The following DNM3 variants were observed in gnomAD, a reference collection of about 807,000 sequenced individuals.
The protein encoded by DNM3 is dynamin-3.
Under a neutral mutation model 101.6 loss-of-function variants are expected in DNM3, and 47 were observed. That is an observed-to-expected ratio of 0.46 (90% confidence interval 0.37 to 0.59). DNM3 has a LOEUF of 0.59. DNM3 is among the 20% of genes least tolerant of loss of function. The pLI, the probability that DNM3 is intolerant of heterozygous loss-of-function variation, is 0.00. For missense variants in DNM3, 849 were observed against 1,085.7 expected (o/e 0.78, Z 3.06); for synonymous variants, 385 against 387.9 (o/e 0.99, Z 0.09).
intron 10 of DNM3, among the ~76,000 whole-genome samples, chr1:172,056,430 C>T (rs1056611703): frequency 3.3e-5 from 5 of 152,216 alleles, no homozygotes; most frequent in Non-Finnish European, 5.9e-5. Context: ...CCTCTGCAGA[C>T]TTAAATGTCC....
chr1:171,983,142 C>G (rs1354126463), intron 2 of DNM3, among the ~76,000 whole-genome samples: 1 of 152,084 alleles, frequency 6.6e-6, no homozygotes, highest in East Asian at 1.9e-4. Flanking sequence ...CTCTCCTCTT[C>G]TTTACAACAA....
intron 4 of DNM3, among the ~76,000 whole-genome samples, chr1:171,997,668 A>G (rs1411121885): frequency 6.6e-6 from 1 of 152,164 alleles, no homozygotes; most frequent in Non-Finnish European, 1.5e-5. Flanking sequence ...TTGTTGCTTA[A>G]AAGACATTTA....
At chr1:171,996,566 A>G (rs754953913) in intron 4 of DNM3, among the ~76,000 whole-genome samples, 2 of 152,106 alleles carry the variant, frequency 1.3e-5, no homozygotes, top group Non-Finnish European at 2.9e-5. Flanking sequence ...AATGATGTAG[A>G]TAAAAATAAA....
At chr1:172,335,209 G>A (rs902208361) in intron 17 of DNM3, among the ~76,000 whole-genome samples, 2 of 151,998 alleles carry the variant, frequency 1.3e-5, no homozygotes, top group Admixed American at 1.3e-4. Context: ...TAAGACAGTC[G>A]AAGCTAAACC....
intron 17 of DNM3, among the ~76,000 whole-genome samples, chr1:172,327,559 T>C (rs1310498838): frequency 6.6e-6 from 1 of 152,146 alleles, no homozygotes; most frequent in Non-Finnish European, 1.5e-5. Flanking sequence ...GAGTACAGTG[T>C]CATAATGTAC....
chr1:172,302,221 C>A (rs1180024421), intron 15 of DNM3, among the ~76,000 whole-genome samples: 1 of 152,216 alleles, frequency 6.6e-6, no homozygotes, highest in Non-Finnish European at 1.5e-5. Context: ...AGATTATATC[C>A]CACGCCTGGC....
chr1:172,375,645 T>A (rs2068555857), intron 17 of DNM3, among the ~76,000 whole-genome samples: 1 of 152,072 alleles, frequency 6.6e-6, no homozygotes, highest in Admixed American at 6.6e-5. Flanking sequence ...AGCCCAGTGC[T>A]TCTATAATAG....
intron 15 of DNM3, among the ~76,000 whole-genome samples, chr1:172,256,154 T>C (rs1348152456): frequency 6.6e-6 from 1 of 152,132 alleles, no homozygotes; most frequent in Non-Finnish European, 1.5e-5. Flanking sequence ...TGAGTTAGAT[T>C]GGCCCATAAA....
intron 14 of DNM3, among the ~76,000 whole-genome samples, chr1:172,206,341 A>G (rs139332332): frequency 1.2e-3 from 190 of 152,272 alleles, no homozygotes; most frequent in African/African-American, 3.9e-3. Context: ...AAAAAGCACA[A>G]CTCAAACAAT....
At chr1:172,231,938 C>A (rs991667494) in intron 14 of DNM3, among the ~76,000 whole-genome samples, 2 of 152,136 alleles carry the variant, frequency 1.3e-5, no homozygotes, top group African/African-American at 4.8e-5. Flanking sequence ...AAATATGGGA[C>A]TATGTGAAAA....
intron 14 of DNM3, among the ~76,000 whole-genome samples, chr1:172,223,149 T>C (rs2060971968): frequency 6.6e-6 from 1 of 152,034 alleles, no homozygotes; most frequent in Non-Finnish European, 1.5e-5. Flanking sequence ...GTCACCATAC[T>C]GTGCAATAGA....
At chr1:172,168,173 T>A (rs1366001663) in intron 14 of DNM3, among the ~76,000 whole-genome samples, 1 of 152,066 alleles carries the variant, frequency 6.6e-6, no homozygotes, top group Non-Finnish European at 1.5e-5. Flanking sequence ...GTGCAATAGC[T>A]TTCAGTGCTA....
In DNM3 at chr1:172,244,424, A is replaced by C. The variant is rs538831000; in HGVS notation, c.1660-9149A>C. On this transcript the variant is annotated intron_variant, in intron 14 of 20. Transcript: ENST00000627582. Reference sequence around the variant, plus strand: ...GCATCAGAGTGAACAGGCAACCTACAAAATGGGAGAAAATTTTCGCAACCT... The same window carrying C: ...GCATCAGAGTGAACAGGCAACCTACCAAATGGGAGAAAATTTTCGCAACCT... Among the ~76,000 whole-genome samples, 1,296 of 152,112 alleles carry C rather than the reference A, an allele frequency of 8.5e-3. 17 individuals carry two copies. Among genetic ancestry groups the C allele is most frequent in the African/African-American group, 0.029 (1,203 of 41,528 alleles).
At chr1:172,308,366 A>G (rs1211270356) in intron 15 of DNM3, among the ~76,000 whole-genome samples, 1 of 152,196 alleles carries the variant, frequency 6.6e-6, no homozygotes, top group African/African-American at 2.4e-5. Context: ...ATTTAGACTC[A>G]TAAAATATCT....
At chr1:171,877,190 C>T (rs2035862302) in intron 1 of DNM3, among the ~76,000 whole-genome samples, 1 of 152,176 alleles carries the variant, frequency 6.6e-6, no homozygotes. Context: ...TCCTCCCCTC[C>T]CTCATAACAT....
chr1:172,328,895 GT>G (rs2066060113), intron 17 of DNM3, among the ~76,000 whole-genome samples: 1 of 151,890 alleles, frequency 6.6e-6, no homozygotes, highest in Non-Finnish European at 1.5e-5. Flanking sequence ...TCCCAGGCTG[GT>G]CTTGGACTCC....
chr1:172,243,174 C>T lies in DNM3; in HGVS notation c.1660-10399C>T, dbSNP rs77817174. Among the ~76,000 whole-genome samples the T allele has an allele frequency of 2.5e-3, 375 of 151,958 alleles. 1 individual carries two copies. Among genetic ancestry groups the T allele is most frequent in the African/African-American group, 7.5e-3 (312 of 41,442 alleles). On this transcript the variant is annotated intron_variant, in intron 14 of 20. Transcript: ENST00000627582. ...TATTACATTACCAATCTCATATGTA[C>T]AAATATGTAGGACTATTTCTCTAAA... is the stretch of plus-strand genomic sequence containing the variant.
At chr1:172,302,066 G>A (rs2064482613) in intron 15 of DNM3, among the ~76,000 whole-genome samples, 1 of 152,210 alleles carries the variant, frequency 6.6e-6, no homozygotes, top group Non-Finnish European at 1.5e-5. Context: ...ACGAGCCAAA[G>A]CAGGGTAGGG....
chr1:172,399,525 G>A (rs921894869), intron 20 of DNM3, among the ~76,000 whole-genome samples: 5 of 152,096 alleles, frequency 3.3e-5, no homozygotes, highest in Non-Finnish European at 7.4e-5. Flanking sequence ...CTGTCTCCAC[G>A]AGTGTCATTG....
Sources: allele counts gnomAD v4.1 joint callset (sites outside exome capture counted in the v4.1 genomes callset), GRCh38; gene constraint gnomAD v4.1.1; transcripts MANE v1.5; gene names NCBI Gene and HGNC (gene_info 2026-07-23, HGNC 2026-07-21).